Variants in CDC45 observed in about 807,000 individuals in gnomAD.
The protein encoded by CDC45 is cell division cycle 45.
Under a neutral mutation model 77.8 loss-of-function variants are expected in CDC45, and 54 were observed. That is an observed-to-expected ratio of 0.69 (90% CI 0.56 to 0.87). The LOEUF is 0.87. Among genes scored for constraint, CDC45 ranks in the 40% least tolerant of loss-of-function variants. CDC45 has a pLI of 0.00. For synonymous variants in CDC45, 260 were observed against 272.1 expected, an observed-to-expected ratio of 0.96 and a Z score of 0.44; for missense variants, 649 against 721.6, an observed-to-expected ratio of 0.90 and a Z score of 1.15.
intron 13 of CDC45, among the ~76,000 whole-genome samples, chr22:19,509,707 T>C (rs117551893): frequency 0.037 from 5,617 of 152,338 alleles, 161 homozygotes; most frequent in Non-Finnish European, 0.055. Context: ...ATGCTTTTTA[T>C]GTATAAATTT....
chr22:19,496,987 C>T (rs924474575), intron 7 of CDC45, among the ~76,000 whole-genome samples: 16 of 151,966 alleles, frequency 1.1e-4, no homozygotes, highest in African/African-American at 3.1e-4. Flanking sequence ...GAGGAGTGTG[C>T]GGATGCAGAG....
chr22:19,505,163 C>T (rs539621534), intron 9 of CDC45, 199 bp from the exon 10 acceptor site: 148 of 591,940 alleles, frequency 2.5e-4, no homozygotes, highest in African/African-American at 2.1e-3. Context: ...AGAGACCACA[C>T]CCCCCCGCTC....
rs753087532 is a variant in CDC45, at chr22:19,480,947, C to T, written c.112-6C>T. ...AAGATAGGCTTTGAAAACACTCTCT[C>T]TCCAGGCCTTGTTCCAGTGTGACCA... On this transcript the variant is annotated splice_region_variant and splice_polypyrimidine_tract_variant and intron_variant, in intron 2 of 18. Transcript: ENST00000263201. The T allele has an allele frequency of 6.2e-7, 1 of 1,602,194 alleles. No homozygotes were observed. Among genetic ancestry groups the T allele is most frequent in the Non-Finnish European group, 8.5e-7 (1 of 1,170,840 alleles).
At chr22:19,519,696 G>A (rs1360276165) in intron 18 of CDC45, among the ~76,000 whole-genome samples, 4 of 152,220 alleles carry the variant, frequency 2.6e-5, no homozygotes, top group Non-Finnish European at 2.9e-5. Context: ...TCTCCCATCC[G>A]TCCGTCCATC....
chr22:19,499,157 G>T lies in CDC45; in HGVS notation c.704+6G>T. On this transcript the variant is annotated splice_donor_region_variant and intron_variant, in intron 9 of 18. Coordinates refer to ENST00000263201, the MANE Select transcript of CDC45 (RefSeq NM_003504.5). ...GTGCAAGACAAGATCACTCAGTAAG[G>T]ACACACTCCCTTGCCTTGCAGGGTC... 6.2e-7 allele frequency: 1 copy of T among 1,613,944 alleles called. No individual in the cohort carries two copies. Among genetic ancestry groups the T allele is most frequent in the Non-Finnish European group, 8.5e-7 (1 of 1,179,870 alleles).
chr22:19,509,065 A>T (rs1933373399), intron 13 of CDC45, among the ~76,000 whole-genome samples: 2 of 151,876 alleles, frequency 1.3e-5, no homozygotes, highest in Non-Finnish European at 2.9e-5. Flanking sequence ...TCACTTCCTG[A>T]GATGTCCTAT....
chr22:19,510,352 A>G (rs1332697977), intron 13 of CDC45, among the ~76,000 whole-genome samples: 1 of 152,088 alleles, frequency 6.6e-6, no homozygotes, highest in African/African-American at 2.4e-5. Context: ...TGCCCCAGAG[A>G]GATCCTCCCA....
At chr22:19,513,036 G>A (rs541714147) in intron 13 of CDC45, among the ~76,000 whole-genome samples, 4 of 152,280 alleles carry the variant, frequency 2.6e-5, no homozygotes, top group Non-Finnish European at 5.9e-5. Context: ...GGAACTAATA[G>A]AGTAAGAACT....
In CDC45 at chr22:19,479,935, C is replaced by A. The variant is rs539707484; in HGVS notation, c.-34C>A. 1.9e-6 allele frequency: 3 copies of A among 1,611,590 alleles called. No individual in the cohort carries two copies. The highest frequency in any genetic ancestry group is 1.3e-5 in the African/African-American group (1 of 74,896). Reference sequence around the variant, plus strand: ...GACCGCCGCCGGGCTCTTGGTACCTCAGCGCGAGCGCCAGGCGTCCGGCCG... The same window carrying A: ...GACCGCCGCCGGGCTCTTGGTACCTAAGCGCGAGCGCCAGGCGTCCGGCCG... On this transcript the variant is annotated 5_prime_UTR_variant, in exon 1 of 19. Coordinates refer to ENST00000263201, the MANE Select transcript of CDC45 (RefSeq NM_003504.5).
intron 2 of CDC45, among the ~76,000 whole-genome samples, 194 bp from the exon 3 acceptor site, chr22:19,480,759 A>AT (rs1485307023): frequency 6.6e-6 from 1 of 152,174 alleles, no homozygotes; most frequent in Non-Finnish European, 1.5e-5. Flanking sequence ...TACTTTGGTA[A>AT]TTTGCAAAAT....
At chr22:19,510,760 C>A (rs992563099) in intron 13 of CDC45, among the ~76,000 whole-genome samples, 2 of 152,182 alleles carry the variant, frequency 1.3e-5, no homozygotes, top group Non-Finnish European at 2.9e-5. Context: ...AACTCCTGAC[C>A]TCTTGATCCA....
intron 17 of CDC45, among the ~76,000 whole-genome samples, chr22:19,517,465 G>A (rs961507979): frequency 6.6e-6 from 1 of 152,238 alleles, no homozygotes; most frequent in Non-Finnish European, 1.5e-5. Context: ...CGGCTGTGTT[G>A]GCGTTCTTAT....
intron 15 of CDC45, chr22:19,516,303 G>A: frequency 1.8e-6 from 1 of 569,084 alleles, no homozygotes. Flanking sequence ...ACCATGCTGT[G>A]GGTACGGGAG....
intron 8 of CDC45, 25 bp downstream of exon 8, chr22:19,497,472 G>A (rs1211112982): frequency 6.2e-7 from 1 of 1,607,384 alleles, no homozygotes; most frequent in Non-Finnish European, 8.5e-7. Context: ...CGGCAGCTGT[G>A]TGGGAGTATT....
In CDC45 at chr22:19,517,191, AG is replaced by A. The variant is rs371855807; in HGVS notation, c.1636+301del. On this transcript the variant is annotated intron_variant, in intron 17 of 18. Transcript: ENST00000263201. ...CAGCAAGCCTAGGGGACTGGCCACC[AG>A]GGCCCGTGTGCCCCGATCTCACCTG... 4.3e-3 allele frequency among the ~76,000 whole-genome samples: 662 copies of A among 152,372 alleles called. 6 individuals are homozygous for A. Among genetic ancestry groups the A allele is most frequent in the African/African-American group, 0.015 (623 of 41,596 alleles).
chr22:19,508,683 C>G lies in CDC45; in HGVS notation c.1209C>G (p.Ser403Arg). ...GTDHFIQALD[S>R]LSRSNLDKLY... ...ATCACTTCATCCAGGCTCTGGACAG[C>G]CTCTCCAGGTAGCAGGAGGGCTGTG... Residue 403 changes from serine (S) to arginine (R), a missense_variant, in exon 13 of 19, where the codon AGC becomes AGG. Coordinates refer to ENST00000263201, the MANE Select transcript of CDC45 (RefSeq NM_003504.5). The G allele has an allele frequency of 6.2e-7, 1 of 1,613,986 alleles. No individual in the cohort carries two copies. The highest frequency in any genetic ancestry group is 8.5e-7 in the Non-Finnish European group (1 of 1,179,926).
At chr22:19,486,316 C>G (rs2090065931) in intron 5 of CDC45, among the ~76,000 whole-genome samples, 1 of 152,204 alleles carries the variant, frequency 6.6e-6, no homozygotes, top group African/African-American at 2.4e-5. Context: ...AATATTCAGC[C>G]CATATTCAGG....
chr22:19,488,096 T>A (rs1469796445), intron 5 of CDC45, among the ~76,000 whole-genome samples: 7 of 152,180 alleles, frequency 4.6e-5, no homozygotes, highest in Non-Finnish European at 1.0e-4. Context: ...GTGGCTCAGG[T>A]CACGGGTTTC....
chr22:19,499,014 G>A (rs1276121545), intron 8 of CDC45, 87 bp from the exon 9 acceptor site: 1 of 1,414,002 alleles, frequency 7.1e-7, no homozygotes, highest in Non-Finnish European at 1.0e-6. Flanking sequence ...CTGAGCTTGG[G>A]CCCGTTCCAT....
Sources: allele counts gnomAD v4.1 joint callset (sites outside exome capture counted in the v4.1 genomes callset), GRCh38; gene constraint gnomAD v4.1.1; transcripts MANE v1.5; gene names NCBI Gene and HGNC (gene_info 2026-07-23, HGNC 2026-07-21).